The following IMPDH1 variants were observed in gnomAD, a reference collection of about 807,000 sequenced individuals.
IMPDH1 encodes inosine-5'-monophosphate dehydrogenase 1.
In IMPDH1, 41 loss-of-function variants were observed where a neutral mutation model predicts 73.5. The ratio of observed to expected loss-of-function variants is 0.56; its 90% CI spans 0.43 to 0.72. The LOEUF is 0.72. IMPDH1 is among the 30% of genes least tolerant of loss of function. The probability of loss-of-function intolerance (pLI) is 0.00; values close to 1 mark genes in which losing one functional copy is unlikely to be tolerated. For missense variants in IMPDH1, 645 were observed against 824.8 expected (o/e 0.78, Z 2.67); for synonymous variants, 318 against 334.3 (o/e 0.95, Z 0.53).
intron 4 of IMPDH1, 126 bp downstream of exon 4, chr7:128,405,641 C>T: frequency 1.5e-6 from 2 of 1,341,448 alleles, no homozygotes; most frequent in Non-Finnish European, 1.9e-6. Flanking sequence ...GTGCCCAGCC[C>T]CCAGCGCCCA....
intron 3 of IMPDH1, 117 bp downstream of exon 3, chr7:128,409,172 C>G: frequency 2.2e-6 from 2 of 920,516 alleles, no homozygotes; most frequent in Non-Finnish European, 3.5e-6. Flanking sequence ...TCCAGTGTCC[C>G]TCATTCCCCT....
chr7:128,409,419 G>C (rs918524322), intron 2 of IMPDH1, 22 bp downstream of exon 2: 1 of 1,614,194 alleles, frequency 6.2e-7, no homozygotes, highest in Admixed American at 1.7e-5. Flanking sequence ...AGCACTGTTT[G>C]AACCCCAGGA....
rs72624940 is a variant in IMPDH1 at position 128,409,392 on chromosome 7, C to T, written c.191-40G>A. 2,801 of 1,614,138 alleles carry T rather than the reference C, an allele frequency of 1.7e-3. 62 individuals are homozygous for T. In the African/African-American group the frequency reaches 0.033, roughly 19 times the overall value. ...CTAAGGAGGGGTAAGCCAAGTCAGTCGGACAGGACTCCAGCAAGCACTGTT... is the reference window on the plus strand; with the variant it reads ...CTAAGGAGGGGTAAGCCAAGTCAGTTGGACAGGACTCCAGCAAGCACTGTT... On this transcript the variant is annotated intron_variant, in intron 2 of 16. Transcript: ENST00000338791.
chr7:128,409,789 G>A lies in IMPDH1; in HGVS notation c.113C>T (p.Ala38Val). ...GHETAAQRYSARLLQAGYEPE... is the reference protein window; with the variant it reads ...GHETAAQRYSVRLLQAGYEPE... Reference sequence around the variant, plus strand: ...CTCGTAGCCGGCCTGCAGCAGTCGGGCGCTGTACCGCTGCGCCGCCGTCTC... The same window carrying A: ...CTCGTAGCCGGCCTGCAGCAGTCGGACGCTGTACCGCTGCGCCGCCGTCTC... The change falls in exon 1 of 17, where the codon GCC (alanine) becomes GTC (valine). Residue 38 changes from alanine to valine, a missense_variant. Around this residue, in one of 2 missense-constraint regions of IMPDH1, gnomAD observed 186 missense variants for 186.6 expected, o/e 1.00. Transcript: ENST00000338791. The A allele has an allele frequency of 2.0e-6, 3 of 1,507,974 alleles. No homozygotes were observed. Among genetic ancestry groups the A allele is most frequent in the Non-Finnish European group, 2.6e-6 (3 of 1,135,750 alleles). The allele number at this position is 1,507,974 out of a possible 1,614,324, so 93.4% of individuals were successfully genotyped here. A position where few individuals can be genotyped will look rare whatever the true frequency, so the allele number is the denominator to read the frequency against.
At chr7:128,395,841 A>G (rs11766743) in intron 12 of IMPDH1, among the ~76,000 whole-genome samples, 21,728 of 152,252 alleles carry the variant, frequency 0.14, 1,658 homozygotes, top group South Asian at 0.22. Context: ...TAGGTGCCTA[A>G]TGAATATTTG....
chr7:128,405,809 G>GT lies in IMPDH1; in HGVS notation c.310dup (p.Thr104AsnfsTer29), dbSNP rs1263408191. 2.6e-6 allele frequency: 4 copies of GT among 1,543,528 alleles called. No individual in the cohort carries two copies. The highest frequency in any genetic ancestry group is 3.5e-6 in the Non-Finnish European group (4 of 1,146,312). On this transcript the variant is annotated frameshift_variant, in exon 4 of 17. Transcript: ENST00000338791. LOFTEE classifies it high-confidence loss of function. ...GGCGCTGGCGAAGAGCTGCTGCGCG[G>GT]TGAGCCCATCCTCGGGCACGTAGCC... is the stretch of plus-strand genomic sequence containing the variant.
Position 128,396,660 on chromosome 7 carries a change from C to T in IMPDH1, c.1201G>A (p.Ala401Thr), listed in dbSNP as rs1263313049. ...CCCACGCGCAGCCCGTCCACACCAG[C>T]ATCAATCAGGTTCTTGGCCTGGGCT... ...TAAQAKNLID[A>T]GVDGLRVGMG... The change falls in exon 12 of 17, where the codon GCT becomes ACT. Residue 401 changes from alanine (A) to threonine (T), a missense_variant. Coordinates refer to ENST00000338791, the MANE Select transcript of IMPDH1 (RefSeq NM_000883.4). The surrounding 1 kb of genome is among the most constrained non-coding windows in gnomAD (Gnocchi z 4.0). The T allele has an allele frequency of 6.4e-7, 1 of 1,555,682 alleles. No homozygotes were observed. Among genetic ancestry groups the T allele is most frequent in the Non-Finnish European group, 8.7e-7 (1 of 1,148,894 alleles).
At chr7:128,408,027 C>T (rs1478838577) in intron 3 of IMPDH1, among the ~76,000 whole-genome samples, 1 of 152,184 alleles carries the variant, frequency 6.6e-6, no homozygotes, top group Non-Finnish European at 1.5e-5. Context: ...GCTAATCCAC[C>T]CTCAACCCCC....
Position 128,394,224 on chromosome 7 carries a change from C to T in IMPDH1, c.1778+54G>A. On this transcript the variant is annotated intron_variant, in intron 16 of 16. Coordinates refer to ENST00000338791, the MANE Select transcript of IMPDH1 (RefSeq NM_000883.4). The surrounding 1 kb of genome is among the most constrained non-coding windows in gnomAD (Gnocchi z 5.5). ...TCAGCTTGACCTCAGAACCCTGGCC[C>T]CACCTGCCCAACCCACTGCCTCCAA... 6.8e-7 allele frequency: 1 copy of T among 1,473,772 alleles called. No individual in the cohort carries two copies. The highest frequency in any genetic ancestry group is 9.5e-7 in the Non-Finnish European group (1 of 1,053,706). The allele number at this position is 1,473,772 out of a possible 1,614,324, so 91.3% of individuals were successfully genotyped here.
Position 128,409,667 on chromosome 7 carries a change from C to G in IMPDH1, c.146+89G>C, listed in dbSNP as rs533922503. On this transcript the variant is annotated intron_variant, in intron 1 of 16. Coordinates refer to ENST00000338791, the MANE Select transcript of IMPDH1 (RefSeq NM_000883.4). ...AAGGGTTTGTGGGGCCTGCCCCTCC[C>G]CCGCAGCGTCGCCGGGTTCCCGGAG... is the stretch of plus-strand genomic sequence containing the variant. 276 of 1,510,194 alleles carry G rather than the reference C, an allele frequency of 1.8e-4. 1 individual carries two copies. The African/African-American group carries it at 3.6e-3, about 19-fold the overall frequency. 93.5% of individuals were successfully genotyped at this position (1,510,194 alleles called of 1,614,324 possible). A position where few individuals can be genotyped will look rare whatever the true frequency, so the allele number is the denominator to read the frequency against.
At chr7:128,397,151 GTTTTT>G (rs200212855) in intron 10 of IMPDH1, 129 bp from the exon 11 acceptor site, 12 of 551,054 alleles carry the variant, frequency 2.2e-5, no homozygotes, top group Middle Eastern at 3.7e-4. Flanking sequence ...CCTTCTGGTT[GTTTTT>G]TTTTTTTTTT....
chr7:128,397,367 T>G (rs1797999140), intron 10 of IMPDH1, among the ~76,000 whole-genome samples: 1 of 152,126 alleles, frequency 6.6e-6, no homozygotes, highest in South Asian at 2.1e-4. Flanking sequence ...TGACTTAACT[T>G]CTTTAAGCCT....
Position 128,394,950 on chromosome 7 carries a change from G to A in IMPDH1, c.1489C>T (p.Arg497Trp), listed in dbSNP as rs72624967. The A allele has an allele frequency of 2.6e-4, 425 of 1,613,638 alleles. 6 individuals carry two copies. The African/African-American group carries it at 4.7e-3, about 18-fold the overall frequency. ...ATGGCATCCAGTGAGCCCATGCCCC[G>A]GTACTTCTTGAGCCGCACCCCGTCT... ...FSDGVRLKKY[R>W]GMGSLDAMEK... is the part of the protein sequence containing the mutation. Residue 497 changes from arginine (R) to tryptophan (W), a missense_variant, in exon 14 of 17, where the codon CGG (arginine) becomes TGG (tryptophan). Physicochemically the swap from Arg to Trp is moderately radical, Grantham distance 101 (BLOSUM62 -3). Coordinates refer to ENST00000338791, the MANE Select transcript of IMPDH1 (RefSeq NM_000883.4). The surrounding 1 kb of genome is among the most constrained non-coding windows in gnomAD (Gnocchi z 5.5).
rs952350700 is a variant in IMPDH1, at chr7:128,398,364, T to C, written c.1074+50A>G. The C allele has an allele frequency of 6.0e-6, 9 of 1,505,912 alleles. No homozygotes were observed. The highest frequency in any genetic ancestry group is 1.4e-5 in the African/African-American group (1 of 72,782). 93.3% of individuals were successfully genotyped at this position (1,505,912 alleles called of 1,614,324 possible). On this transcript the variant is annotated intron_variant, in intron 10 of 16. Transcript: ENST00000338791. The surrounding 1 kb of genome is among the most constrained non-coding windows in gnomAD (Gnocchi z 4.3). The stretch of plus-strand genomic sequence containing the variant: ...AACCTGGGTCCTCATAAACCTCCAC[T>C]CTGCTGAACCACTCATCCATCTCCC...
rs201879804 is a variant in IMPDH1, at chr7:128,406,905, G to GA, written c.255-1041dup. ...TAAGAACAGGGGCTAGGGAACTTCT[G>GA]AAAAATCCCCAAAGCAGAAGTTGGT... is the stretch of plus-strand genomic sequence containing the variant. On this transcript the variant is annotated intron_variant, in intron 3 of 16. Transcript: ENST00000338791. 7.1e-3 allele frequency among the ~76,000 whole-genome samples: 1,088 copies of GA among 152,340 alleles called. 8 individuals are homozygous for GA. The highest frequency in any genetic ancestry group is 0.024 in the African/African-American group (1,009 of 41,564).
chr7:128,394,580 T>C lies in IMPDH1; in HGVS notation c.1570A>G (p.Ile524Val). 1 of 1,613,848 alleles carries C rather than the reference T, an allele frequency of 6.2e-7. No individual in the cohort carries two copies. Among genetic ancestry groups the C allele is most frequent in the Non-Finnish European group, 8.5e-7 (1 of 1,180,002 alleles). ...ATGGAGCCCGAGACACCCTGCGCGATCTTCACTTTATCCCCCTCGCTGCGT... is the reference window on the plus strand; with the variant it reads ...ATGGAGCCCGAGACACCCTGCGCGACCTTCACTTTATCCCCCTCGCTGCGT... ...RYFSEGDKVK[I>V]AQGVSGSIQD... is the part of the protein sequence containing the mutation. The change falls in exon 15 of 17, where the codon ATC becomes GTC. Residue 524 changes from isoleucine (I) to valine (V), a missense_variant. Ile to Val is a conservative substitution (Grantham distance 29). This residue lies in a region of IMPDH1 where 459 missense variants were observed against 638.2 expected (regional missense o/e 0.72). Coordinates refer to ENST00000338791, the MANE Select transcript of IMPDH1 (RefSeq NM_000883.4). This position sits in a 1 kb window ranked among gnomAD's most constrained non-coding sequence, Gnocchi z 5.5.
At chr7:128,393,912 C>T (rs551892277) in intron 16 of IMPDH1, among the ~76,000 whole-genome samples, 2 of 152,242 alleles carry the variant, frequency 1.3e-5, no homozygotes, top group South Asian at 4.1e-4. Context: ...CCCTTGTACC[C>T]GCCAGAGGGG....
At chr7:128,393,160 G>A (rs532403718) in intron 16 of IMPDH1, 132 bp from the exon 17 acceptor site, 45 of 1,002,462 alleles carry the variant, frequency 4.5e-5, no homozygotes, top group East Asian at 9.9e-5. Context: ...TCAGCCGTAC[G>A]GCGCAGGAGG....
chr7:128,409,196 TG>T, intron 3 of IMPDH1, 92 bp downstream of exon 3: 2 of 1,130,902 alleles, frequency 1.8e-6, no homozygotes, highest in Non-Finnish European at 2.6e-6. Context: ...GACCCCAGCA[TG>T]GGGGCCTGCG....
Sources: gnomAD v4.1 joint callset for allele counts (sites outside exome capture counted in the v4.1 genomes callset) on GRCh38, gnomAD v4.1.1 for gene constraint, gnomAD v4.1.1 regional missense constraint, Gnocchi (gnomAD v3.1) non-coding constraint, MANE v1.5 for transcripts, NCBI Gene and HGNC (gene_info 2026-07-23, HGNC 2026-07-21) for gene names.